Variants in GALNT17 observed in about 807,000 individuals in gnomAD.
GALNT17 encodes the protein UDP-GalNAc:polypeptide N-acetylgalactosaminyltransferase-like 3.
GALNT17 carries 29 observed loss-of-function variants against 63.7 expected under a neutral mutation model. The ratio of observed to expected loss-of-function variants is 0.46; its 90% CI spans 0.34 to 0.62. The LOEUF (loss-of-function observed/expected upper bound fraction) is 0.62. GALNT17 is among the 20% of genes least tolerant of loss of function. The pLI is 0.01. For synonymous variants in GALNT17, 305 were observed against 318.3 expected (o/e 0.96, Z 0.45); for missense variants, 603 against 799.6 (o/e 0.75, Z 2.97).
chr7:71,642,531 T>C (rs1043896440), intron 6 of GALNT17, among the ~76,000 whole-genome samples: 13 of 152,132 alleles, frequency 8.5e-5, no homozygotes, highest in African/African-American at 3.1e-4. Flanking sequence ...AGATTTTCCT[T>C]TACCAAAGCT....
intron 5 of GALNT17, among the ~76,000 whole-genome samples, chr7:71,528,090 A>G (rs1235371535): frequency 1.3e-5 from 2 of 152,196 alleles, no homozygotes; most frequent in Non-Finnish European, 2.9e-5. Flanking sequence ...TTTGCAATCT[A>G]TGGTACAGAA....
At chr7:71,217,778 A>AG (rs962919479) in intron 1 of GALNT17, among the ~76,000 whole-genome samples, 6 of 151,960 alleles carry the variant, frequency 3.9e-5, no homozygotes, top group African/African-American at 1.5e-4. Context: ...TACAAAAAAA[A>AG]TTAACTGGGC....
chr7:71,340,788 C>G (rs1481661877), intron 2 of GALNT17, among the ~76,000 whole-genome samples: 1 of 152,098 alleles, frequency 6.6e-6, no homozygotes, highest in Non-Finnish European at 1.5e-5. Context: ...AATCCCAGCA[C>G]TTTGGGAGGC....
At chr7:71,466,182 CA>C (rs1787532099) in intron 5 of GALNT17, among the ~76,000 whole-genome samples, 1 of 152,070 alleles carries the variant, frequency 6.6e-6, no homozygotes, top group African/African-American at 2.4e-5. Context: ...TTTTGCAAAT[CA>C]AAAATAAAAG....
At chr7:71,393,574 T>G (rs10236528) in intron 3 of GALNT17, among the ~76,000 whole-genome samples, 36,397 of 151,598 alleles carry the variant, frequency 0.24, 5,852 homozygotes, top group African/African-American at 0.47. Flanking sequence ...TATTAAAAAA[T>G]CTCTGCAAAC....
At chr7:71,545,130 A>G (rs890933673) in intron 5 of GALNT17, among the ~76,000 whole-genome samples, 1 of 152,006 alleles carries the variant, frequency 6.6e-6, no homozygotes, top group Non-Finnish European at 1.5e-5. Flanking sequence ...CTAAAGGGTA[A>G]TCTCATTGAA....
intron 1 of GALNT17, among the ~76,000 whole-genome samples, chr7:71,137,879 C>T (rs1001097118): frequency 1.3e-5 from 2 of 152,138 alleles, no homozygotes; most frequent in African/African-American, 4.8e-5. Flanking sequence ...CTTGCACAGT[C>T]AAAAATCCAA....
chr7:71,329,010 G>T (rs1020509420), intron 1 of GALNT17, among the ~76,000 whole-genome samples: 7 of 152,128 alleles, frequency 4.6e-5, no homozygotes, highest in Non-Finnish European at 1.0e-4. Context: ...ATGCATTTTA[G>T]CTCTAAGGTG....
chr7:71,185,581 C>T (rs532581528), intron 1 of GALNT17, among the ~76,000 whole-genome samples: 59 of 142,904 alleles, frequency 4.1e-4, no homozygotes, highest in African/African-American at 1.4e-3. Context: ...GGAGTTGGCT[C>T]ACTGCAAGCT....
At chr7:71,451,964 CT>C (rs1044243601) in intron 5 of GALNT17, among the ~76,000 whole-genome samples, 3 of 152,020 alleles carry the variant, frequency 2.0e-5, no homozygotes, top group African/African-American at 7.2e-5. Context: ...AATCCCAACA[CT>C]TTTGGAGGCC....
At chr7:71,527,437 A>G (rs1013171453) in intron 5 of GALNT17, among the ~76,000 whole-genome samples, 1 of 152,190 alleles carries the variant, frequency 6.6e-6, no homozygotes, top group Non-Finnish European at 1.5e-5. Flanking sequence ...AATTGAAAGG[A>G]GCCCTGAGCC....
chr7:71,460,127 C>G (rs1419359456), intron 5 of GALNT17, among the ~76,000 whole-genome samples: 1 of 152,110 alleles, frequency 6.6e-6, no homozygotes, highest in African/African-American at 2.4e-5. Flanking sequence ...CTTAGGACCC[C>G]CTGAGGGCTG....
intron 5 of GALNT17, among the ~76,000 whole-genome samples, chr7:71,448,995 A>T (rs979107057): frequency 6.7e-6 from 1 of 150,206 alleles, no homozygotes; most frequent in African/African-American, 2.4e-5. Flanking sequence ...GTTTAAACGG[A>T]TGGATTCCAT....
At chr7:71,606,120 T>G (rs1478492634) in intron 6 of GALNT17, among the ~76,000 whole-genome samples, 2 of 26,128 alleles carry the variant, frequency 7.7e-5, no homozygotes, top group African/African-American at 2.6e-4. Context: ...TTGTATTTTT[T>G]TTTTTTTTTT....
chr7:71,555,584 A>G (rs1288226045), intron 5 of GALNT17, among the ~76,000 whole-genome samples: 1 of 152,088 alleles, frequency 6.6e-6, no homozygotes, highest in Non-Finnish European at 1.5e-5. Context: ...AGGGAGAAAC[A>G]TCCAAATTAT....
intron 5 of GALNT17, among the ~76,000 whole-genome samples, chr7:71,488,699 C>T (rs1396416328): frequency 2.0e-5 from 3 of 150,650 alleles, no homozygotes; most frequent in Non-Finnish European, 4.4e-5. Context: ...CTTGCCTCAG[C>T]CTGTGAGTAG....
intron 1 of GALNT17, among the ~76,000 whole-genome samples, chr7:71,305,776 A>C (rs1922527): frequency 0.19 from 29,147 of 152,192 alleles, 2,913 homozygotes; most frequent in East Asian, 0.33. Flanking sequence ...GAAGAGAGAT[A>C]ATTACTAACT....
chr7:71,361,171 A>G (rs571883325), intron 2 of GALNT17, among the ~76,000 whole-genome samples: 3 of 152,276 alleles, frequency 2.0e-5, no homozygotes, highest in Non-Finnish European at 2.9e-5. Flanking sequence ...GGTCATTCCT[A>G]TATCTGCTTT....
intron 5 of GALNT17, among the ~76,000 whole-genome samples, chr7:71,448,725 C>T (rs992833751): frequency 3.3e-5 from 5 of 152,026 alleles, no homozygotes; most frequent in South Asian, 2.1e-4. Flanking sequence ...AGAATACAGG[C>T]GCAAAAGGAT....
Sources: allele counts gnomAD v4.1 joint callset (sites outside exome capture counted in the v4.1 genomes callset), GRCh38; gene constraint gnomAD v4.1.1; transcripts MANE v1.5; gene names NCBI Gene and HGNC (gene_info 2026-07-23, HGNC 2026-07-21).